The following NFATC3 variants were observed in gnomAD, a reference collection of about 807,000 sequenced individuals.
NFATC3 encodes nuclear factor of activated T cells 3, also known as nuclear factor of activated T-cells, cytoplasmic 3.
A neutral mutation model predicts 98.6 loss-of-function variants in NFATC3; 46 were observed. That is an observed-to-expected ratio of 0.47 (90% CI 0.37 to 0.60). The LOEUF (loss-of-function observed/expected upper bound fraction) is 0.60, where lower values mean the gene tolerates loss of function less well. Ranked by LOEUF, NFATC3 falls within the 20% of genes least tolerant of loss-of-function variation. The pLI, the probability that NFATC3 is intolerant of heterozygous loss-of-function variation, is 0.00. For missense variants in NFATC3, 1,256 were observed against 1,295.5 expected, an observed-to-expected ratio of 0.97 and a Z score of 0.47; for synonymous variants, 512 against 472.2, an observed-to-expected ratio of 1.08 and a Z score of -1.09.
chr16:68,226,129 C>G (rs957109516), intron 9 of NFATC3: 2 of 438,972 alleles, frequency 4.6e-6, no homozygotes, highest in Non-Finnish European at 7.9e-6. Context: ...CCTTCCCAAC[C>G]CAAAATGAAC....
At position 68,157,921 on chromosome 16, in the gene NFATC3, C is replaced by T. The variant is rs769592493; in HGVS notation, c.1454C>T (p.Ala485Val). The T allele has an allele frequency of 3.1e-6, 5 of 1,613,768 alleles. No individual in the cohort carries two copies. Among genetic ancestry groups the T allele is most frequent in the Non-Finnish European group, 3.4e-6 (4 of 1,179,860 alleles). ...PINLQMFIGT[A>V]DDRYLRPHAF... ...AATCTACAAATGTTTATTGGGACAG[C>T]AGATGATCGATATTTACGACCTCAT... The change falls in exon 4 of 10, where the codon GCA (alanine) becomes GTA (valine). Residue 485 changes from alanine to valine, a missense_variant. By Grantham distance (64) the Ala-to-Val change is moderately conservative. Coordinates refer to ENST00000346183, the MANE Select transcript of NFATC3 (RefSeq NM_173165.3).
chr16:68,157,429 AT>A (rs1472342314), intron 3 of NFATC3, among the ~76,000 whole-genome samples: 1 of 152,164 alleles, frequency 6.6e-6, no homozygotes, highest in African/African-American at 2.4e-5. Context: ...TTTATAATAT[AT>A]GGAATAGGGG....
intron 9 of NFATC3, chr16:68,192,210 G>GA (rs71382033): frequency 0.034 from 475 of 13,836 alleles, 32 homozygotes; most frequent in Non-Finnish European, 0.035. Context: ...TCCGTCTCGG[G>GA]AAAAAAAAAA....
chr16:68,093,562 A>G (rs900668113), intron 1 of NFATC3, among the ~76,000 whole-genome samples: 2 of 152,184 alleles, frequency 1.3e-5, no homozygotes, highest in African/African-American at 2.4e-5. Flanking sequence ...TGCGCAACCT[A>G]TAATTTTGAT....
chr16:68,140,158 T>C (rs893705380), intron 3 of NFATC3, among the ~76,000 whole-genome samples: 9 of 152,010 alleles, frequency 5.9e-5, no homozygotes, highest in Admixed American at 5.2e-4. Context: ...CCACCACGCC[T>C]GGCTAGTTTT....
chr16:68,091,531 C>T (rs951167880), intron 1 of NFATC3, among the ~76,000 whole-genome samples: 6 of 152,014 alleles, frequency 3.9e-5, no homozygotes, highest in Non-Finnish European at 4.4e-5. Flanking sequence ...AAAATGGGGA[C>T]CTTTTAAGAG....
chr16:68,174,021 T>A (rs917580443), intron 5 of NFATC3, among the ~76,000 whole-genome samples: 3 of 151,936 alleles, frequency 2.0e-5, no homozygotes, highest in Non-Finnish European at 4.4e-5. Flanking sequence ...GTGTCATGCA[T>A]CTGTAACCCC....
intron 3 of NFATC3, among the ~76,000 whole-genome samples, chr16:68,155,953 A>G (rs2038590046): frequency 6.6e-6 from 1 of 152,212 alleles, no homozygotes. Flanking sequence ...TACCTTGAGG[A>G]AAAGGTGGAT....
rs933453024 is a variant in NFATC3, at chr16:68,191,370, C to T, written c.2701C>T (p.Gln901Ter). Reference sequence around the variant, plus strand: ...ATCTCTTTCTTCTCCAGTGGCTGACCAGATTACAGGTCAGCCTTCGTCTCA... The same window carrying T: ...ATCTCTTTCTTCTCCAGTGGCTGACTAGATTACAGGTCAGCCTTCGTCTCA... ...QRSLSSPVAD[Q>*]ITGQPSSQLQ... The change falls in exon 9 of 10, where the codon CAG becomes TAG. Residue 901 changes from glutamine (Q) to a stop codon, truncating the protein, a stop_gained. Coordinates refer to ENST00000346183, the MANE Select transcript of NFATC3 (RefSeq NM_173165.3). LOFTEE classifies it high-confidence loss of function. The T allele has an allele frequency of 6.2e-7, 1 of 1,613,986 alleles. No individual in the cohort carries two copies. Among genetic ancestry groups the T allele is most frequent in the African/African-American group, 1.3e-5 (1 of 74,880 alleles).
intron 7 of NFATC3, 23 bp from the exon 8 acceptor site, chr16:68,183,217 A>G: frequency 6.4e-7 from 1 of 1,558,574 alleles, no homozygotes; most frequent in Non-Finnish European, 8.6e-7. Context: ...TGAGTGTAAC[A>G]CAATCTTGCT....
At chr16:68,170,228 T>TA (rs1381664589) in intron 5 of NFATC3, among the ~76,000 whole-genome samples, 1 of 150,994 alleles carries the variant, frequency 6.6e-6, no homozygotes, top group African/African-American at 2.4e-5. Flanking sequence ...CCATCTCTAC[T>TA]AAAAATACAA....
At position 68,226,688 on chromosome 16, in the gene NFATC3, C is replaced by T. The variant is rs2042043166; in HGVS notation, c.*217C>T. ...TTGAGCTTTGGGGAAATGAACTTTG[C>T]TTTTTATATTTAACTAGGATACTTT... On this transcript the variant is annotated 3_prime_UTR_variant, in exon 10 of 10. Coordinates refer to ENST00000346183, the MANE Select transcript of NFATC3 (RefSeq NM_173165.3). 2.5e-6 allele frequency: 1 copy of T among 406,510 alleles called. No homozygotes were observed. Among genetic ancestry groups the T allele is most frequent in the Admixed American group, 4.6e-5 (1 of 21,918 alleles). The allele number at this position is 406,510 out of a possible 1,614,324, so 25.2% of individuals were successfully genotyped here. A position where few individuals can be genotyped will look rare whatever the true frequency, so the allele number is the denominator to read the frequency against.
chr16:68,132,572 A>G (rs972728967), intron 3 of NFATC3, among the ~76,000 whole-genome samples: 2 of 152,238 alleles, frequency 1.3e-5, no homozygotes, highest in Admixed American at 6.5e-5. Context: ...AGAGGAAATC[A>G]GTATACTGAA....
At chr16:68,179,065 G>A (rs987235457) in intron 6 of NFATC3, among the ~76,000 whole-genome samples, 2 of 151,966 alleles carry the variant, frequency 1.3e-5, no homozygotes. Context: ...TATATCTTAG[G>A]GGTTCATGTC....
intron 3 of NFATC3, among the ~76,000 whole-genome samples, chr16:68,151,786 A>G (rs918979149): frequency 5.3e-5 from 8 of 152,146 alleles, no homozygotes; most frequent in Admixed American, 6.6e-5. Context: ...ATACCATTCT[A>G]AGTCGGGCAC....
chr16:68,196,780 C>T (rs963785476), intron 9 of NFATC3, among the ~76,000 whole-genome samples: 4 of 152,104 alleles, frequency 2.6e-5, no homozygotes, highest in African/African-American at 7.2e-5. Context: ...TCCTGTATCT[C>T]AGCACTTTGG....
intron 1 of NFATC3, among the ~76,000 whole-genome samples, chr16:68,088,333 A>T (rs1232258469): frequency 6.8e-6 from 1 of 147,434 alleles, no homozygotes; most frequent in South Asian, 2.1e-4. Context: ...CTATATATAT[A>T]ATATATAACA....
intron 9 of NFATC3, among the ~76,000 whole-genome samples, chr16:68,223,655 G>A (rs2041943089): frequency 6.6e-6 from 1 of 151,418 alleles, no homozygotes; most frequent in Admixed American, 6.6e-5. Flanking sequence ...CCAGCACTTT[G>A]GGAGGCTGAG....
intron 3 of NFATC3, among the ~76,000 whole-genome samples, chr16:68,135,315 G>A (rs1452873614): frequency 3.3e-5 from 5 of 151,814 alleles, no homozygotes; most frequent in Admixed American, 1.3e-4. Context: ...AAAATTAGCC[G>A]AGCGTGTTGG....
Sources: gnomAD v4.1 joint callset for allele counts (sites outside exome capture counted in the v4.1 genomes callset) on GRCh38, gnomAD v4.1.1 for gene constraint, MANE v1.5 for transcripts, NCBI Gene and HGNC (gene_info 2026-07-23, HGNC 2026-07-21) for gene names.